CAPN15: variants seen among roughly 807,000 people sequenced by gnomAD.
CAPN15 encodes calpain 15.
A neutral mutation model predicts 97.9 loss-of-function variants in CAPN15; 53 were observed. The observed-to-expected ratio is 0.54, with a 90% CI of 0.43 to 0.68. The LOEUF is 0.68. Ranked by LOEUF, CAPN15 falls within the 30% of genes least tolerant of loss-of-function variation. The pLI, the probability that CAPN15 is intolerant of heterozygous loss-of-function variation, is 0.00. For missense variants in CAPN15, 1,592 were observed against 1,589.8 expected (o/e 1.00, Z -0.02); for synonymous variants, 922 against 722.5 (o/e 1.28, Z -4.43).
intron 1 of CAPN15, among the ~76,000 whole-genome samples, chr16:528,446 A>G (rs914873114): frequency 6.6e-6 from 1 of 151,754 alleles, no homozygotes; most frequent in Non-Finnish European, 1.5e-5. Flanking sequence ...TGCGGGCATC[A>G]CTCCCCTCAC....
In CAPN15 at chr16:551,376, GC is replaced by G; in HGVS notation, c.2146del (p.Arg716GlyfsTer100). 6.2e-7 allele frequency: 1 copy of G among 1,610,284 alleles called. No homozygotes were observed. The highest frequency in any genetic ancestry group is 8.5e-7 in the Non-Finnish European group (1 of 1,178,908). Reference sequence around the variant, plus strand: ...TCGGCCTACGAGAGCCTGGGCCTGCGCCCCCGGCATGCCTACTCCATCCTGG... The same window carrying G: ...TCGGCCTACGAGAGCCTGGGCCTGCGCCCCGGCATGCCTACTCCATCCTGG... ...DDSAYESLGL[R>X]PRHAYSILDV... On this transcript the variant is annotated frameshift_variant, in exon 8 of 14. Transcript: ENST00000219611. LOFTEE classifies it high-confidence loss of function.
chr16:536,298 G>C (rs2033717653), intron 3 of CAPN15, among the ~76,000 whole-genome samples, 156 bp downstream of exon 3: 1 of 152,192 alleles, frequency 6.6e-6, no homozygotes, highest in Admixed American at 6.5e-5. Flanking sequence ...GCTGTCCCTG[G>C]GGGTGGCTGC....
intron 3 of CAPN15, among the ~76,000 whole-genome samples, chr16:544,682 G>A (rs2034407273): frequency 2.2e-5 from 3 of 135,506 alleles, no homozygotes; most frequent in Non-Finnish European, 4.7e-5. Flanking sequence ...GCAGTAAGGA[G>A]CGGCCCGTCG....
At chr16:541,528 C>T (rs1165996121) in intron 3 of CAPN15, among the ~76,000 whole-genome samples, 2 of 152,202 alleles carry the variant, frequency 1.3e-5, no homozygotes, top group South Asian at 2.1e-4. Context: ...GGCACCGGAG[C>T]GCCTCCCAGT....
At chr16:528,147 C>G (rs1314017167) in intron 1 of CAPN15, 118 bp downstream of exon 1, 1 of 150,114 alleles carries the variant, frequency 6.7e-6, no homozygotes, top group Non-Finnish European at 1.5e-5. Context: ...CCTCGGGGGC[C>G]GGGCGCGCCG....
chr16:543,613 C>T (rs1303425236), intron 3 of CAPN15, among the ~76,000 whole-genome samples: 4 of 152,168 alleles, frequency 2.6e-5, no homozygotes, highest in Admixed American at 2.6e-4. Flanking sequence ...CAGCTCCTGT[C>T]TGCTGCTGCA....
At chr16:543,918 C>T (rs564847206) in intron 3 of CAPN15, among the ~76,000 whole-genome samples, 1 of 152,218 alleles carries the variant, frequency 6.6e-6, no homozygotes, top group African/African-American at 2.4e-5. Context: ...ACCGCTCCCC[C>T]ACATGGATGA....
At chr16:542,535 T>TGG (rs2034192665) in intron 3 of CAPN15, among the ~76,000 whole-genome samples, 3 of 152,164 alleles carry the variant, frequency 2.0e-5, no homozygotes, top group African/African-American at 7.2e-5. Context: ...GCCAGCCATG[T>TGG]GGGGCCTCTC....
chr16:551,337 T>C lies in CAPN15; in HGVS notation c.2102T>C (p.Met701Thr). 6.2e-7 allele frequency: 1 copy of C among 1,606,798 alleles called. No individual in the cohort carries two copies. The highest frequency in any genetic ancestry group is 8.5e-7 in the Non-Finnish European group (1 of 1,177,194). The stretch of plus-strand genomic sequence containing the variant: ...GGTGCCTCCTGTGGCGGGGGCAACA[T>C]GAAGGTGGACGATTCGGCCTACGAG... ...LMGASCGGGN[M>T]KVDDSAYESL... Residue 701 changes from methionine (M) to threonine (T), a missense_variant, in exon 8 of 14, where the codon ATG becomes ACG. Around this residue, in one of 3 missense-constraint regions of CAPN15, gnomAD observed 644 missense variants for 699.6 expected, o/e 0.92. Coordinates refer to ENST00000219611, the MANE Select transcript of CAPN15 (RefSeq NM_005632.3).
In CAPN15 at chr16:551,389, C is replaced by T. The variant is rs1451575721; in HGVS notation, c.2154C>T (p.Ala718=). The T allele has an allele frequency of 5.6e-6, 9 of 1,610,304 alleles. No homozygotes were observed. In the African/African-American group the frequency reaches 1.1e-4, roughly 19 times the overall value. The change falls in exon 8 of 14, where the codon GCC becomes GCT. Residue 718 remains alanine, a synonymous_variant. Transcript: ENST00000219611. ...YESLGLRPRH[A]YSILDVRDVQ... ...GCCTGGGCCTGCGCCCCCGGCATGC[C>T]TACTCCATCCTGGATGTCCGAGATG...
intron 3 of CAPN15, chr16:540,141 C>G (rs1185550022): frequency 1.0e-6 from 1 of 985,310 alleles, no homozygotes; most frequent in Non-Finnish European, 1.2e-6. Context: ...CCGCTGCTGG[C>G]CAGAGGTGAC....
Position 553,455 on chromosome 16 carries a change from G to T in CAPN15, c.3200G>T (p.Gly1067Val), listed in dbSNP as rs757541055. 1 of 1,611,276 alleles carries T rather than the reference G, an allele frequency of 6.2e-7. No individual in the cohort carries two copies. The highest frequency in any genetic ancestry group is 8.5e-7 in the Non-Finnish European group (1 of 1,179,304). The stretch of plus-strand genomic sequence containing the variant: ...CTCAGTGACTGGACAGCCTCCAAGG[G>T]GACCCACAGCCCCCCACTCACGCCA... ...AFLSDWTASK[G>V]THSPPLTPEV... The change falls in exon 14 of 14, where the codon GGG becomes GTG. Residue 1067 changes from glycine to valine, a missense_variant. Gly to Val is a moderately radical substitution (Grantham distance 109). Around this residue, in one of 3 missense-constraint regions of CAPN15, gnomAD observed 644 missense variants for 699.6 expected, o/e 0.92. Transcript: ENST00000219611.
At chr16:529,624 G>A (rs1198371372) in intron 1 of CAPN15, among the ~76,000 whole-genome samples, 2 of 152,238 alleles carry the variant, frequency 1.3e-5, no homozygotes, top group Non-Finnish European at 1.5e-5. Context: ...TGAAGAACTC[G>A]GCCGTTGGTG....
chr16:547,293 G>A lies in CAPN15; in HGVS notation c.455G>A (p.Cys152Tyr). The change falls in exon 4 of 14, where the codon TGC (cysteine) becomes TAC (tyrosine). Residue 152 changes from cysteine (C) to tyrosine (Y), a missense_variant. Coordinates refer to ENST00000219611, the MANE Select transcript of CAPN15 (RefSeq NM_005632.3). ...EPRGGWACPR[C>Y]TLHNTPVASS... ...AGAGGGGGCTGGGCGTGTCCGCGTTGCACGCTGCACAACACGCCCGTGGCC... is the reference window on the plus strand; with the variant it reads ...AGAGGGGGCTGGGCGTGTCCGCGTTACACGCTGCACAACACGCCCGTGGCC... 2 of 1,516,198 alleles carry A rather than the reference G, an allele frequency of 1.3e-6. No individual in the cohort carries two copies. The highest frequency in any genetic ancestry group is 8.8e-7 in the Non-Finnish European group (1 of 1,136,760). The allele number at this position is 1,516,198 out of a possible 1,614,324, so 93.9% of individuals were successfully genotyped here.
intron 3 of CAPN15, chr16:538,403 C>G (rs1414376311): frequency 1.3e-5 from 2 of 152,226 alleles, no homozygotes; most frequent in Non-Finnish European, 2.9e-5. Flanking sequence ...CACACTGGCC[C>G]CGTGTGTCCT....
At chr16:528,537 C>T (rs886559262) in intron 1 of CAPN15, among the ~76,000 whole-genome samples, 1 of 152,244 alleles carries the variant, frequency 6.6e-6, no homozygotes, top group Non-Finnish European at 1.5e-5. Flanking sequence ...CCAGTGTTCT[C>T]TTCCGTGTTC....
rs759920136 is a variant in CAPN15, at chr16:553,024, C to T, written c.3066C>T (p.Ser1022=). ...STRGSLRTQD[S]VPPLHRQVLV... is the part of the protein sequence containing the mutation. Reference sequence around the variant, plus strand: ...GCGGCAGCCTGCGTACCCAGGATAGCGTGCCACCCCTGCACAGGTGCGCCC... The same window carrying T: ...GCGGCAGCCTGCGTACCCAGGATAGTGTGCCACCCCTGCACAGGTGCGCCC... The change falls in exon 13 of 14, where the codon AGC becomes AGT. Residue 1022 remains serine (S), a synonymous_variant. Transcript: ENST00000219611. The T allele has an allele frequency of 2.0e-5, 32 of 1,599,834 alleles. No homozygotes were observed. Among genetic ancestry groups the T allele is most frequent in the Middle Eastern group, 1.8e-4 (1 of 5,644 alleles).
At position 552,932 on chromosome 16, in the gene CAPN15, C is replaced by T. The variant is rs1165605634; in HGVS notation, c.2974C>T (p.Arg992Ter). 4 of 1,611,760 alleles carry T rather than the reference C, an allele frequency of 2.5e-6. No individual in the cohort carries two copies. The highest frequency in any genetic ancestry group is 1.7e-5 in the Admixed American group (1 of 59,930). ...WAGLIVVVEN[R>*]HPKAYLHVQC... is the part of the protein sequence containing the mutation. ...GGGGCTCATCGTGGTGGTGGAGAAC[C>T]GACACCCCAAGGCCTACCTGCACGT... The change falls in exon 13 of 14, where the codon CGA (arginine) becomes TGA (stop). Residue 992 changes from arginine (R) to a stop codon, truncating the protein, a stop_gained. Coordinates refer to ENST00000219611, the MANE Select transcript of CAPN15 (RefSeq NM_005632.3). LOFTEE classifies it high-confidence loss of function. This position sits in a 1 kb window ranked among gnomAD's most constrained non-coding sequence, Gnocchi z 6.4.
In CAPN15 at chr16:548,113, C is replaced by T. The variant is rs770744893; in HGVS notation, c.1275C>T (p.Asn425=). Reference sequence around the variant, plus strand: ...CCTGCCCTGCCTGTACCCTGCTCAACGCACTGCGGGCCAAGCACTGCGCCG... The same window carrying T: ...CCTGCCCTGCCTGTACCCTGCTCAATGCACTGCGGGCCAAGCACTGCGCCG... ...QWACPACTLL[N]ALRAKHCAAC... Residue 425 remains asparagine (N), a synonymous_variant, in exon 4 of 14, where the codon AAC becomes AAT. Coordinates refer to ENST00000219611, the MANE Select transcript of CAPN15 (RefSeq NM_005632.3). 47 of 1,537,772 alleles carry T rather than the reference C, an allele frequency of 3.1e-5. No homozygotes were observed. Among genetic ancestry groups the T allele is most frequent in the Admixed American group, 5.9e-5 (3 of 51,068 alleles).
Sources: allele counts gnomAD v4.1 joint callset (sites outside exome capture counted in the v4.1 genomes callset), GRCh38; gene constraint gnomAD v4.1.1; regional missense constraint gnomAD v4.1.1; non-coding constraint Gnocchi (gnomAD v3.1); transcripts MANE v1.5; gene names NCBI Gene and HGNC (gene_info 2026-07-23, HGNC 2026-07-21).